RBM6: variants seen among roughly 807,000 people sequenced by gnomAD.
RBM6 encodes the protein RNA-binding protein 6.
In RBM6, 23 loss-of-function variants were observed where a neutral mutation model predicts 140.4. The observed-to-expected ratio is 0.16, with a 90% CI of 0.12 to 0.23. The LOEUF (loss-of-function observed/expected upper bound fraction) is 0.23, where lower values mean the gene tolerates loss of function less well. RBM6 is among the 10% of genes least tolerant of loss of function. RBM6 has a pLI of 1.00. For synonymous variants in RBM6, 439 were observed against 475.6 expected (o/e 0.92, Z 1.00); for missense variants, 1,139 against 1,386.7 (o/e 0.82, Z 2.84).
chr3:50,016,603 A>G (rs757088294), intron 6 of RBM6, among the ~76,000 whole-genome samples: 7 of 152,010 alleles, frequency 4.6e-5, no homozygotes, highest in Non-Finnish European at 1.0e-4. Context: ...TATCCTCACT[A>G]ACACTTGTTA....
intron 6 of RBM6, among the ~76,000 whole-genome samples, chr3:50,010,990 C>T (rs557515702): frequency 6.7e-6 from 1 of 148,430 alleles, no homozygotes; most frequent in Non-Finnish European, 1.5e-5. Context: ...GATTCATTTA[C>T]CACCCTCCAC....
intron 6 of RBM6, among the ~76,000 whole-genome samples, chr3:50,008,129 C>T (rs1428968295): frequency 6.6e-6 from 1 of 152,106 alleles, no homozygotes; most frequent in Non-Finnish European, 1.5e-5. Context: ...TGATAACCAG[C>T]CCATTATTTG....
chr3:50,001,043 A>G (rs1559570131), intron 6 of RBM6, among the ~76,000 whole-genome samples: 2 of 152,204 alleles, frequency 1.3e-5, no homozygotes, highest in Non-Finnish European at 1.5e-5. Flanking sequence ...CCATTTGTTC[A>G]GTGTCCATCA....
At chr3:50,064,962 G>A (rs1415813013) in intron 15 of RBM6, 69 bp from the exon 16 acceptor site, 47 of 1,350,738 alleles carry the variant, frequency 3.5e-5, no homozygotes, top group East Asian at 3.1e-4. Context: ...GTGAGCCACC[G>A]CACCCAGCCC....
At chr3:50,044,087 C>T (rs1327790928) in intron 6 of RBM6, among the ~76,000 whole-genome samples, 1 of 151,478 alleles carries the variant, frequency 6.6e-6, no homozygotes, top group Non-Finnish European at 1.5e-5. Flanking sequence ...CACTGTGTTG[C>T]CCAGGCTGGT....
At chr3:49,975,256 G>C in intron 4 of RBM6, 67 bp from the exon 5 acceptor site, 1 of 1,328,014 alleles carries the variant, frequency 7.5e-7, no homozygotes, top group African/African-American at 1.4e-5. Context: ...AAAACTGTTA[G>C]GGAAAATCTG....
In RBM6 at chr3:50,047,263, CAGAGGACCCT is replaced by C. The variant is rs983938607; in HGVS notation, c.1558-976_1558-967del. On this transcript the variant is annotated intron_variant, in intron 6 of 20. Coordinates refer to ENST00000266022, the MANE Select transcript of RBM6 (RefSeq NM_005777.3). ...ACTCAGAGCCCTGTCTGAGGAAACA[CAGAGGACCCT>C]AGAGGGCGGAGAATGAACACAGCGC... is the stretch of plus-strand genomic sequence containing the variant. 30 of 985,102 alleles carry C rather than the reference CAGAGGACCCT, an allele frequency of 3.0e-5. No homozygotes were observed. The African/African-American group carries it at 5.2e-4, about 17-fold the overall frequency. The allele number at this position is 985,102 out of a possible 1,614,324, so 61.0% of individuals were successfully genotyped here. A position where few individuals can be genotyped will look rare whatever the true frequency, so the allele number is the denominator to read the frequency against.
At chr3:49,968,851 G>A in intron 3 of RBM6, 103 bp downstream of exon 3, 1 of 1,309,286 alleles carries the variant, frequency 7.6e-7, no homozygotes, top group South Asian at 1.6e-5. Context: ...TGCGATCTCT[G>A]CTCATGCAAG....
At chr3:49,980,176 A>AT (rs900209508) in intron 5 of RBM6, among the ~76,000 whole-genome samples, 2 of 149,792 alleles carry the variant, frequency 1.3e-5, no homozygotes, top group African/African-American at 4.9e-5. Context: ...TAATTTTTGT[A>AT]TTTTTTTTAG....
intron 19 of RBM6, among the ~76,000 whole-genome samples, chr3:50,071,920 C>T (rs1290739421): frequency 6.7e-6 from 1 of 149,782 alleles, no homozygotes; most frequent in Non-Finnish European, 1.5e-5. Context: ...CCCTTCTCTA[C>T]TAAAAATATA....
intron 6 of RBM6, among the ~76,000 whole-genome samples, chr3:50,006,594 A>G (rs1025347266): frequency 3.3e-5 from 5 of 152,112 alleles, no homozygotes; most frequent in Non-Finnish European, 2.9e-5. Flanking sequence ...GTACTCTCAC[A>G]CACATCTAGG....
intron 6 of RBM6, among the ~76,000 whole-genome samples, chr3:50,038,127 G>A (rs547407827): frequency 2.6e-5 from 4 of 152,000 alleles, no homozygotes; most frequent in Admixed American, 2.6e-4. Flanking sequence ...CGGTTCCAAT[G>A]TCTCTTTTGG....
intron 20 of RBM6, 85 bp downstream of exon 20, chr3:50,075,415 C>T: frequency 6.5e-7 from 1 of 1,530,234 alleles, no homozygotes; most frequent in Non-Finnish European, 8.9e-7. Flanking sequence ...GATGTCTTTG[C>T]CATTTTGCTG....
At chr3:49,974,096 A>G (rs955615693) in intron 4 of RBM6, among the ~76,000 whole-genome samples, 12 of 150,558 alleles carry the variant, frequency 8.0e-5, no homozygotes, top group Admixed American at 7.9e-4. Context: ...ACGGGGTTTC[A>G]CCGTGTTAGC....
At chr3:50,070,387 G>T in intron 18 of RBM6, 68 bp from the exon 19 acceptor site, 2 of 1,093,146 alleles carry the variant, frequency 1.8e-6, no homozygotes, top group South Asian at 1.2e-5. Context: ...CAGCAATGGG[G>T]TAGAATTTCC....
intron 6 of RBM6, among the ~76,000 whole-genome samples, chr3:50,041,056 T>C (rs540810113): frequency 6.6e-6 from 1 of 152,300 alleles, no homozygotes; most frequent in African/African-American, 2.4e-5. Flanking sequence ...AAATAAGATT[T>C]TGGCTTGATG....
At chr3:50,027,946 C>T (rs555934822) in intron 6 of RBM6, among the ~76,000 whole-genome samples, 6 of 152,268 alleles carry the variant, frequency 3.9e-5, no homozygotes, top group African/African-American at 1.2e-4. Flanking sequence ...GTGTTGAAAA[C>T]ATGGCATACT....
At chr3:50,028,677 C>T (rs1312559772) in intron 6 of RBM6, among the ~76,000 whole-genome samples, 1 of 152,142 alleles carries the variant, frequency 6.6e-6, no homozygotes, top group Admixed American at 6.5e-5. Flanking sequence ...CAACAGATGT[C>T]CTCATTAGAT....
chr3:49,975,570 T>C (rs1000813024), intron 5 of RBM6, among the ~76,000 whole-genome samples, 178 bp downstream of exon 5: 8 of 152,250 alleles, frequency 5.3e-5, no homozygotes. Flanking sequence ...TGTGGATGTT[T>C]GTCCACACAT....
Sources: allele counts gnomAD v4.1 joint callset (sites outside exome capture counted in the v4.1 genomes callset), GRCh38; gene constraint gnomAD v4.1.1; transcripts MANE v1.5; gene names NCBI Gene and HGNC (gene_info 2026-07-23, HGNC 2026-07-21).